The following EXT1 variants were observed in gnomAD, a reference collection of about 807,000 sequenced individuals.
The protein encoded by EXT1 is exostosin glycosyltransferase 1.
EXT1 carries 20 observed loss-of-function variants against 82.5 expected under a neutral mutation model. That is an observed-to-expected ratio of 0.24 (90% CI 0.17 to 0.35). EXT1 has a LOEUF of 0.35. EXT1 is among the 10% of genes least tolerant of loss of function. EXT1 has a pLI of 1.00. For synonymous variants in EXT1, 348 were observed against 350.8 expected, an observed-to-expected ratio of 0.99 and a Z score of 0.09; for missense variants, 757 against 936.5, an observed-to-expected ratio of 0.81 and a Z score of 2.50.
chr8:118,034,118 A>G (rs1816380223), intron 1 of EXT1, among the ~76,000 whole-genome samples: 1 of 152,208 alleles, frequency 6.6e-6, no homozygotes, highest in Admixed American at 6.5e-5. Context: ...TGTATCCACA[A>G]TGTATTGGGT....
intron 1 of EXT1, among the ~76,000 whole-genome samples, chr8:118,059,354 G>A (rs1200518749): frequency 6.6e-6 from 1 of 152,180 alleles, no homozygotes; most frequent in Non-Finnish European, 1.5e-5. Flanking sequence ...CATATGGGGA[G>A]CTTAATGAGA....
chr8:117,799,421 C>A lies in EXT1; in HGVS notation c.*291G>T. ...GTTTTGATCATTAAAAAAGTTTAAA[C>A]CTGCATAGCAATCATTTCAAAAATA... On this transcript the variant is annotated 3_prime_UTR_variant, in exon 11 of 11. Coordinates refer to ENST00000378204, the MANE Select transcript of EXT1 (RefSeq NM_000127.3). 1 of 389,780 alleles carries A rather than the reference C, an allele frequency of 2.6e-6. No individual in the cohort carries two copies. The highest frequency in any genetic ancestry group is 3.8e-5 in the South Asian group (1 of 26,054). 24.1% of individuals were successfully genotyped at this position (389,780 alleles called of 1,614,324 possible).
intron 1 of EXT1, among the ~76,000 whole-genome samples, chr8:117,934,699 CA>C (rs1374262310): frequency 1.3e-5 from 2 of 152,210 alleles, no homozygotes; most frequent in Non-Finnish European, 2.9e-5. Context: ...GCAAAGAACC[CA>C]GAACTGTTTC....
intron 1 of EXT1, among the ~76,000 whole-genome samples, chr8:117,908,748 C>T (rs1450852357): frequency 6.6e-6 from 1 of 152,072 alleles, no homozygotes; most frequent in Non-Finnish European, 1.5e-5. Flanking sequence ...GTTATTAGCC[C>T]CAATTTATAA....
intron 1 of EXT1, among the ~76,000 whole-genome samples, chr8:117,838,681 T>A (rs1439132360): frequency 6.6e-6 from 1 of 152,170 alleles, no homozygotes; most frequent in Non-Finnish European, 1.5e-5. Context: ...TTCTTCATCC[T>A]CACCAAACAC....
chr8:117,934,889 T>C (rs1329444423), intron 1 of EXT1, among the ~76,000 whole-genome samples: 1 of 152,172 alleles, frequency 6.6e-6, no homozygotes, highest in African/African-American at 2.4e-5. Flanking sequence ...AGGTTGGGAA[T>C]CTCAAAGCCA....
At position 117,864,795 on chromosome 8, in the gene EXT1, T is replaced by G. The variant is rs940398967; in HGVS notation, c.963-27594A>C. On this transcript the variant is annotated intron_variant, in intron 1 of 10. Transcript: ENST00000378204. ...AAAAAAAAAAAAAATCTCATAATGC[T>G]TCAGGAAAGTTATGAATTTGTGTTG... is the stretch of plus-strand genomic sequence containing the variant. Among the ~76,000 whole-genome samples, 3 of 151,688 alleles carry G rather than the reference T, an allele frequency of 2.0e-5. No individual in the cohort carries two copies. In the East Asian group the frequency reaches 5.8e-4, roughly 29 times the overall value.
At chr8:117,931,960 C>T (rs1372864348) in intron 1 of EXT1, among the ~76,000 whole-genome samples, 1 of 152,128 alleles carries the variant, frequency 6.6e-6, no homozygotes, top group Non-Finnish European at 1.5e-5. Flanking sequence ...AGAAAATGCC[C>T]ACGCGGAAAA....
intron 4 of EXT1, among the ~76,000 whole-genome samples, chr8:117,823,414 T>G (rs1811957621): frequency 6.6e-6 from 1 of 151,926 alleles, no homozygotes; most frequent in African/African-American, 2.4e-5. Flanking sequence ...ACTTTCAAAC[T>G]CTTACAATTA....
At chr8:117,988,750 T>C (rs575122375) in intron 1 of EXT1, among the ~76,000 whole-genome samples, 1 of 152,194 alleles carries the variant, frequency 6.6e-6, no homozygotes, top group East Asian at 1.9e-4. Flanking sequence ...GTAGAGGCAA[T>C]GGACGCAACC....
In EXT1 at chr8:117,971,889, G is replaced by T. The variant is rs894911022; in HGVS notation, c.963-134688C>A. Among the ~76,000 whole-genome samples the T allele has an allele frequency of 7.9e-4, 120 of 152,268 alleles. 1 individual carries two copies. The highest frequency in any genetic ancestry group is 2.6e-3 in the African/African-American group (106 of 41,566). On this transcript the variant is annotated intron_variant, in intron 1 of 10. Coordinates refer to ENST00000378204, the MANE Select transcript of EXT1 (RefSeq NM_000127.3). ...CAGAAGACCGGGTGCGGTGGCTCACGCCTGTAATCCCAGCACTTTGGGAGG... is the reference window on the plus strand; with the variant it reads ...CAGAAGACCGGGTGCGGTGGCTCACTCCTGTAATCCCAGCACTTTGGGAGG...
intron 1 of EXT1, among the ~76,000 whole-genome samples, chr8:118,102,549 A>G (rs1817738238): frequency 6.6e-6 from 1 of 152,208 alleles, no homozygotes; most frequent in African/African-American, 2.4e-5. Flanking sequence ...CCCAGCTCCA[A>G]TACATAAGTG....
intron 1 of EXT1, among the ~76,000 whole-genome samples, chr8:117,878,531 A>T (rs1813008101): frequency 6.6e-6 from 1 of 152,318 alleles, no homozygotes; most frequent in African/African-American, 2.4e-5. Flanking sequence ...ATCATTAAAC[A>T]CACAAACCAT....
intron 1 of EXT1, among the ~76,000 whole-genome samples, chr8:117,962,229 T>A (rs1342808890): frequency 6.6e-6 from 1 of 152,196 alleles, no homozygotes; most frequent in African/African-American, 2.4e-5. Context: ...ATTATCTATT[T>A]GGAATACTCT....
rs1039019298 is a variant in EXT1 at position 117,798,829 on chromosome 8, C to G, written c.*883G>C. 2 of 152,306 alleles carry G rather than the reference C, an allele frequency of 1.3e-5. No homozygotes were observed. Among genetic ancestry groups the G allele is most frequent in the Non-Finnish European group, 2.9e-5 (2 of 68,036 alleles). 9.4% of individuals were successfully genotyped at this position (152,306 alleles called of 1,614,324 possible). On this transcript the variant is annotated 3_prime_UTR_variant, in exon 11 of 11. Coordinates refer to ENST00000378204, the MANE Select transcript of EXT1 (RefSeq NM_000127.3). Reference sequence around the variant, plus strand: ...TTGGCTTCTAAACCAAAGCCTCTTCCCAGTGCTACGCAGACTTAGGTCAAT... The same window carrying G: ...TTGGCTTCTAAACCAAAGCCTCTTCGCAGTGCTACGCAGACTTAGGTCAAT...
chr8:118,110,481 T>C lies in EXT1; in HGVS notation c.566A>G (p.Asn189Ser). 1 of 1,614,076 alleles carries C rather than the reference T, an allele frequency of 6.2e-7. No homozygotes were observed. The highest frequency in any genetic ancestry group is 1.3e-5 in the African/African-American group (1 of 75,044). ...GGAATATAAATTAAAAATTAAATGA[T>C]TCCTACCATTGTTCCACAAGTGGAG... The part of the protein sequence containing the change: ...QSLHLWNNGR[N>S]HLIFNLYSGT... The change falls in exon 1 of 11, where the codon AAT becomes AGT. Residue 189 changes from asparagine (N) to serine (S), a missense_variant. Transcript: ENST00000378204.
rs9650073 is a variant in EXT1 at position 118,047,282 on chromosome 8, T to A, written c.962+62803A>T. ...CGTGACCTTGGGCAAGATACTCCCC[T>A]CCATGCATCCTTTTTCTTCAGCCCA... On this transcript the variant is annotated intron_variant, in intron 1 of 10. Transcript: ENST00000378204. 3.0e-4 allele frequency among the ~76,000 whole-genome samples: 46 copies of A among 152,016 alleles called. No homozygotes were observed. In the South Asian group the frequency reaches 8.1e-3, roughly 27 times the overall value.
chr8:118,026,884 T>C (rs769000316), intron 1 of EXT1, among the ~76,000 whole-genome samples: 2 of 152,208 alleles, frequency 1.3e-5, no homozygotes, highest in Non-Finnish European at 2.9e-5. Flanking sequence ...CAGAGTCTTC[T>C]CAGGCATCAG....
intron 1 of EXT1, among the ~76,000 whole-genome samples, chr8:117,890,987 C>A (rs1243107738): frequency 6.6e-6 from 1 of 152,214 alleles, no homozygotes. Flanking sequence ...ATGCTATACA[C>A]CCCCATCCTG....
Sources: gnomAD v4.1 joint callset for allele counts (sites outside exome capture counted in the v4.1 genomes callset) on GRCh38, gnomAD v4.1.1 for gene constraint, MANE v1.5 for transcripts, NCBI Gene and HGNC (gene_info 2026-07-23, HGNC 2026-07-21) for gene names.